MAP7: variants seen among roughly 807,000 people sequenced by gnomAD.
MAP7 encodes the protein ensconsin.
Under a neutral mutation model 94.8 loss-of-function variants are expected in MAP7, and 52 were observed. That is an observed-to-expected ratio of 0.55 (90% CI 0.44 to 0.69). The LOEUF is 0.69. Ranked by LOEUF, MAP7 falls within the 30% of genes least tolerant of loss-of-function variation. The pLI is 0.00. For missense variants in MAP7, 940 were observed against 964.6 expected, an observed-to-expected ratio of 0.97 and a Z score of 0.34; for synonymous variants, 350 against 357.0, an observed-to-expected ratio of 0.98 and a Z score of 0.22.
chr6:136,414,218 A>ACT (rs1374687863), intron 2 of MAP7, among the ~76,000 whole-genome samples: 1 of 123,590 alleles, frequency 8.1e-6, no homozygotes, highest in Non-Finnish European at 1.6e-5. Flanking sequence ...GCGCCACTGC[A>ACT]CTCCAGCCTG....
At chr6:136,346,594 T>C (rs941526548) in intron 16 of MAP7, among the ~76,000 whole-genome samples, 9 of 152,204 alleles carry the variant, frequency 5.9e-5, no homozygotes, top group African/African-American at 2.2e-4. Flanking sequence ...AAATCTGTCA[T>C]TTTGTTATGA....
At chr6:136,410,474 A>G (rs1787093078) in intron 3 of MAP7, among the ~76,000 whole-genome samples, 1 of 152,228 alleles carries the variant, frequency 6.6e-6, no homozygotes, top group African/African-American at 2.4e-5. Context: ...TGGTGACCAC[A>G]GACAGCCTGC....
intron 3 of MAP7, among the ~76,000 whole-genome samples, chr6:136,402,799 G>A (rs1023955357): frequency 1.4e-4 from 21 of 150,826 alleles, no homozygotes; most frequent in African/African-American, 4.1e-4. Context: ...CCAGCTACTC[G>A]GGAGGCTGAG....
At chr6:136,347,557 C>T (rs1788033982) in intron 16 of MAP7, among the ~76,000 whole-genome samples, 1 of 152,096 alleles carries the variant, frequency 6.6e-6, no homozygotes, top group Non-Finnish European at 1.5e-5. Flanking sequence ...AGGGGCAAGC[C>T]ACCATGCCTA....
chr6:136,478,151 G>A (rs1386618903), intron 1 of MAP7, among the ~76,000 whole-genome samples: 1 of 152,084 alleles, frequency 6.6e-6, no homozygotes, highest in African/African-American at 2.4e-5. Context: ...ACTATAAAAG[G>A]AAAGTTTATA....
intron 3 of MAP7, among the ~76,000 whole-genome samples, chr6:136,393,374 G>T (rs1003088253): frequency 3.3e-5 from 5 of 152,118 alleles, no homozygotes; most frequent in Admixed American, 6.6e-5. Flanking sequence ...GGAACTGTGT[G>T]GGGGGAAGGG....
Position 136,435,019 on chromosome 6 carries a change from C to T in MAP7, c.68-13220G>A, listed in dbSNP as rs1023668270. On this transcript the variant is annotated intron_variant, in intron 1 of 17. Coordinates refer to ENST00000354570, the MANE Select transcript of MAP7 (RefSeq NM_003980.6). ...ATTCTAAATCTGCCTAAGCTATGGG[C>T]CCTTTGGGGGTCATGAAGAGCTCAG... Among the ~76,000 whole-genome samples, 12 of 152,300 alleles carry T rather than the reference C, an allele frequency of 7.9e-5. No homozygotes were observed. The East Asian group carries it at 2.3e-3, about 29-fold the overall frequency.
At chr6:136,442,711 C>T (rs1467292985) in intron 1 of MAP7, among the ~76,000 whole-genome samples, 1 of 152,140 alleles carries the variant, frequency 6.6e-6, no homozygotes, top group East Asian at 1.9e-4. Flanking sequence ...TCACATTTTT[C>T]ATTGCTTGGC....
intron 1 of MAP7, among the ~76,000 whole-genome samples, chr6:136,464,376 C>A (rs1306466592): frequency 1.3e-5 from 2 of 152,170 alleles, no homozygotes; most frequent in Non-Finnish European, 2.9e-5. Context: ...GAGTACAGTA[C>A]AATAAGATAT....
chr6:136,426,076 A>G (rs944442096), intron 1 of MAP7, among the ~76,000 whole-genome samples: 1 of 152,138 alleles, frequency 6.6e-6, no homozygotes, highest in African/African-American at 2.4e-5. Context: ...ATCATCTCCT[A>G]GTATGGCCTG....
chr6:136,374,874 C>T (rs534955910), intron 7 of MAP7, among the ~76,000 whole-genome samples: 1 of 152,130 alleles, frequency 6.6e-6, no homozygotes, highest in African/African-American at 2.4e-5. Flanking sequence ...AACCTGAAAT[C>T]TTCAAATCAA....
intron 2 of MAP7, among the ~76,000 whole-genome samples, chr6:136,412,133 C>T (rs1386437644): frequency 7.2e-5 from 11 of 152,140 alleles, no homozygotes; most frequent in Admixed American, 5.2e-4. Context: ...GTTTCTGCCC[C>T]GTCACTCGCC....
chr6:136,449,291 T>TCAAACAAA (rs112759898), intron 1 of MAP7, among the ~76,000 whole-genome samples: 147 of 151,504 alleles, frequency 9.7e-4, no homozygotes, highest in East Asian at 3.9e-3. Context: ...CAAGACTCCT[T>TCAAACAAA]CAAACAAACA....
chr6:136,468,149 G>C (rs910789554), intron 1 of MAP7, among the ~76,000 whole-genome samples: 2 of 151,932 alleles, frequency 1.3e-5, no homozygotes, highest in Non-Finnish European at 2.9e-5. Flanking sequence ...TATAGACATG[G>C]GCAACACCTT....
chr6:136,546,007 ATTCT>A (rs111870194), intron 1 of MAP7, among the ~76,000 whole-genome samples: 35 of 152,206 alleles, frequency 2.3e-4, no homozygotes, highest in African/African-American at 8.2e-4. Context: ...TACTATTCTT[ATTCT>A]TTCTAACTTT....
chr6:136,457,505 C>G lies in MAP7; in HGVS notation c.68-35706G>C, dbSNP rs533002736. On this transcript the variant is annotated intron_variant, in intron 1 of 17. Transcript: ENST00000354570. ...TACCGTTACCCCATAGCCTAAGACA[C>G]TACAAGACAAGCAAACTATAGGCCA... Among the ~76,000 whole-genome samples, 13 of 152,204 alleles carry G rather than the reference C, an allele frequency of 8.5e-5. No individual in the cohort carries two copies. In the South Asian group the frequency reaches 2.7e-3, roughly 32 times the overall value.
intron 1 of MAP7, among the ~76,000 whole-genome samples, chr6:136,495,453 T>TACACACAC (rs55923280): frequency 2.0e-4 from 28 of 143,028 alleles, no homozygotes; most frequent in Middle Eastern, 3.5e-3. Context: ...AGTGTGAGAA[T>TACACACAC]ACACACACAC....
chr6:136,521,337 T>C (rs1171735578), intron 1 of MAP7, among the ~76,000 whole-genome samples: 1 of 152,164 alleles, frequency 6.6e-6, no homozygotes, highest in African/African-American at 2.4e-5. Context: ...AAAGATGTCA[T>C]AGTGGCACGC....
At chr6:136,458,849 T>C (rs1427519327) in intron 1 of MAP7, among the ~76,000 whole-genome samples, 1 of 152,078 alleles carries the variant, frequency 6.6e-6, no homozygotes, top group Non-Finnish European at 1.5e-5. Flanking sequence ...GTCTTGGCAA[T>C]GATTTCTTGA....
Sources: allele counts gnomAD v4.1 joint callset (sites outside exome capture counted in the v4.1 genomes callset), GRCh38; gene constraint gnomAD v4.1.1; transcripts MANE v1.5; gene names NCBI Gene and HGNC (gene_info 2026-07-23, HGNC 2026-07-21).